Variants in COG4 observed in about 807,000 individuals in gnomAD.
The protein encoded by COG4 is conserved oligomeric Golgi complex subunit 4.
COG4 carries 65 observed loss-of-function variants against 95.1 expected under a neutral mutation model. That is an observed-to-expected ratio of 0.68 (90% CI 0.56 to 0.84). The LOEUF is 0.84. Among genes scored for constraint, COG4 ranks in the 40% least tolerant of loss-of-function variants. The pLI is 0.00. For synonymous variants in COG4, 421 were observed against 374.8 expected, an observed-to-expected ratio of 1.12 and a Z score of -1.42; for missense variants, 1,045 against 989.1, an observed-to-expected ratio of 1.06 and a Z score of -0.76.
chr16:70,503,829 C>T (rs1178089778), intron 8 of COG4, among the ~76,000 whole-genome samples: 2 of 122,642 alleles, frequency 1.6e-5, no homozygotes, highest in Non-Finnish European at 3.0e-5. Flanking sequence ...CTCCTGACCT[C>T]GTGATCCGCC....
Position 70,517,748 on chromosome 16 carries a change from A to C in COG4, c.255-8T>G. ...ATCAGCTGCAGATTAGGACTGGAGA[A>C]ATACATTGTTAGCATACACATAACG... On this transcript the variant is annotated splice_polypyrimidine_tract_variant and splice_region_variant and intron_variant, in intron 2 of 18. Coordinates refer to ENST00000323786, the MANE Select transcript of COG4 (RefSeq NM_015386.3). 6.3e-7 allele frequency: 1 copy of C among 1,584,624 alleles called. No homozygotes were observed. The highest frequency in any genetic ancestry group is 8.7e-7 in the Non-Finnish European group (1 of 1,153,458).
At position 70,512,219 on chromosome 16, in the gene COG4, C is replaced by T. The variant is rs1243581665; in HGVS notation, c.738+20G>A. 5 of 1,612,124 alleles carry T rather than the reference C, an allele frequency of 3.1e-6. No individual in the cohort carries two copies. The highest frequency in any genetic ancestry group is 4.2e-6 in the Non-Finnish European group (5 of 1,178,354). On this transcript the variant is annotated intron_variant, in intron 5 of 18. Coordinates refer to ENST00000323786, the MANE Select transcript of COG4 (RefSeq NM_015386.3). ...GCAGACAGCCACACAATTATCCTGC[C>T]AAGCAATCAGGGTCCATACCTGCTT...
chr16:70,482,017 G>A (rs1597651956), intron 16 of COG4, 75 bp downstream of exon 16: 1 of 1,397,832 alleles, frequency 7.2e-7, no homozygotes, highest in Non-Finnish European at 1.0e-6. Flanking sequence ...GAAGGAATGT[G>A]ATGAGACCCT....
rs1360611743 is a variant in COG4, at chr16:70,517,662, A to G, written c.333T>C (p.Asn111=). The part of the protein sequence containing the change: ...MITFTCNLAE[N]VSSKVRQLDL... ...CAAGCTGACGAACTTTGCTGGACAC[A>G]TTCTCAGCCAGGTTGCAGGTAAAGG... Residue 111 remains asparagine, a synonymous_variant, in exon 3 of 19, where the codon AAT becomes AAC. Transcript: ENST00000323786. The G allele has an allele frequency of 2.7e-5, 43 of 1,612,718 alleles. No individual in the cohort carries two copies. The highest frequency in any genetic ancestry group is 3.6e-5 in the Non-Finnish European group (42 of 1,179,696).
chr16:70,481,731 G>A lies in COG4; in HGVS notation c.2106+33C>T, dbSNP rs201623183. The A allele has an allele frequency of 1.0e-5, 16 of 1,573,698 alleles. No individual in the cohort carries two copies. In the African/African-American group the frequency reaches 2.0e-4, roughly 20 times the overall value. ...GACATGTCTTCCTCAGAGGAGAAAC[G>A]AGAGCCGCAGACCCATGACCCCTTT... On this transcript the variant is annotated intron_variant, in intron 17 of 18. Coordinates refer to ENST00000323786, the MANE Select transcript of COG4 (RefSeq NM_015386.3).
intron 3 of COG4, among the ~76,000 whole-genome samples, chr16:70,515,632 G>A (rs59697749): frequency 6.6e-6 from 1 of 152,124 alleles, no homozygotes; most frequent in African/African-American, 2.4e-5. Flanking sequence ...TGCACACGCT[G>A]AGATCAAGCC....
intron 15 of COG4, 133 bp from the exon 16 acceptor site, chr16:70,482,308 A>T (rs2049015776): frequency 6.8e-6 from 5 of 732,708 alleles, no homozygotes; most frequent in Non-Finnish European, 9.7e-6. Context: ...CATCTAGTTT[A>T]AAACCAGCTC....
At chr16:70,517,914 C>G (rs970000673) in intron 2 of COG4, among the ~76,000 whole-genome samples, 174 bp from the exon 3 acceptor site, 3 of 151,876 alleles carry the variant, frequency 2.0e-5, no homozygotes, top group East Asian at 3.8e-4. Context: ...AAACTCAGAC[C>G]TATACCTGAT....
At chr16:70,496,231 A>G (rs2049336124) in intron 12 of COG4, 35 bp downstream of exon 12, 14 of 1,613,480 alleles carry the variant, frequency 8.7e-6, no homozygotes, top group South Asian at 2.2e-5. Flanking sequence ...CTCTCGAGAT[A>G]AACCAACCCA....
chr16:70,494,399 G>C (rs978573500), intron 12 of COG4, among the ~76,000 whole-genome samples: 1 of 152,170 alleles, frequency 6.6e-6, no homozygotes, highest in African/African-American at 2.4e-5. Flanking sequence ...ACAGCCAAAT[G>C]AATCAAGGTG....
chr16:70,500,929 C>A, intron 9 of COG4, 29 bp downstream of exon 9: 1 of 1,613,692 alleles, frequency 6.2e-7, no homozygotes. Flanking sequence ...TACCTCAACC[C>A]TCCCCAAAAA....
chr16:70,514,578 A>T, intron 3 of COG4, 69 bp from the exon 4 acceptor site: 1 of 1,367,678 alleles, frequency 7.3e-7, no homozygotes, highest in Non-Finnish European at 1.0e-6. Flanking sequence ...GAAGGTAGGG[A>T]GATTCAGGAG....
chr16:70,492,414 T>C (rs1279402879), intron 12 of COG4, among the ~76,000 whole-genome samples: 2 of 151,774 alleles, frequency 1.3e-5, no homozygotes, highest in Non-Finnish European at 2.9e-5. Flanking sequence ...ATCACAGCAG[T>C]TTGGGAGGCC....
intron 5 of COG4, among the ~76,000 whole-genome samples, chr16:70,510,654 C>T (rs896300475): frequency 2.6e-5 from 4 of 151,652 alleles, no homozygotes; most frequent in South Asian, 2.1e-4. Flanking sequence ...TTCTCAAGCA[C>T]GACAAAACCT....
At chr16:70,517,369 C>A (rs2049842988) in intron 3 of COG4, among the ~76,000 whole-genome samples, 1 of 151,754 alleles carries the variant, frequency 6.6e-6, no homozygotes, top group African/African-American at 2.4e-5. Flanking sequence ...GGAAGGATAA[C>A]TTGAGCCCAG....
rs897105133 is a variant in COG4, at chr16:70,517,707, C to T, written c.288G>A (p.Lys96=). Residue 96 remains lysine (K), a synonymous_variant, in exon 3 of 19, where the codon AAG becomes AAA. Coordinates refer to ENST00000323786, the MANE Select transcript of COG4 (RefSeq NM_015386.3). The stretch of plus-strand genomic sequence containing the variant: ...TAAAGGTGATCATTCCAGCCAGCTG[C>T]TTTGCATCTCCCTCAATCAGCTGCA... ...PNLQLIEGDA[K]QLAGMITFTC... is the part of the protein sequence containing the mutation. The T allele has an allele frequency of 6.2e-7, 1 of 1,612,766 alleles. No homozygotes were observed. The highest frequency in any genetic ancestry group is 1.3e-5 in the African/African-American group (1 of 74,744).
chr16:70,486,355 G>A (rs1191434565), intron 13 of COG4, among the ~76,000 whole-genome samples: 3 of 152,130 alleles, frequency 2.0e-5, no homozygotes, highest in South Asian at 4.1e-4. Flanking sequence ...GAAGCAGAGT[G>A]GAAGAACTAA....
intron 12 of COG4, among the ~76,000 whole-genome samples, chr16:70,494,936 C>A (rs1184333459): frequency 6.6e-6 from 1 of 152,096 alleles, no homozygotes; most frequent in African/African-American, 2.4e-5. Flanking sequence ...TTTTCTATGA[C>A]AGGAAGAGAG....
chr16:70,514,219 G>A, intron 4 of COG4, 116 bp downstream of exon 4: 1 of 1,056,394 alleles, frequency 9.5e-7, no homozygotes, highest in East Asian at 2.6e-5. Flanking sequence ...AAAAAAAGAA[G>A]AAAAAGAAAA....
Sources: gnomAD v4.1 joint callset for allele counts (sites outside exome capture counted in the v4.1 genomes callset) on GRCh38, gnomAD v4.1.1 for gene constraint, MANE v1.5 for transcripts, NCBI Gene and HGNC (gene_info 2026-07-23, HGNC 2026-07-21) for gene names.